ZCCHC24: variants seen among roughly 807,000 people sequenced by gnomAD.
ZCCHC24 encodes the protein zinc finger CCHC-type containing 24.
Under a neutral mutation model 26.2 loss-of-function variants are expected in ZCCHC24, and 10 were observed. That is an observed-to-expected ratio of 0.38 (90% CI 0.24 to 0.65). The LOEUF is 0.65. ZCCHC24 is among the 30% of genes least tolerant of loss of function. ZCCHC24 has a pLI of 0.54. For synonymous variants in ZCCHC24, 144 were observed against 147.1 expected (o/e 0.98, Z 0.15); for missense variants, 243 against 329.1 (o/e 0.74, Z 2.03).
chr10:79,402,217 G>T (rs1269686505), intron 2 of ZCCHC24, among the ~76,000 whole-genome samples: 3 of 152,164 alleles, frequency 2.0e-5, no homozygotes, highest in Non-Finnish European at 4.4e-5. Flanking sequence ...GAGGTCAGAG[G>T]TCCAGGTTGG....
chr10:79,445,126 G>A, intron 1 of ZCCHC24, 69 bp downstream of exon 1: 1 of 1,006,248 alleles, frequency 9.9e-7, no homozygotes, highest in African/African-American at 2.0e-5. Flanking sequence ...GGGTCAGACA[G>A]GGAACGGCCC....
At position 79,385,930 on chromosome 10, in the gene ZCCHC24, G is replaced by A; in HGVS notation, c.*415C>T. The A allele has an allele frequency of 2.4e-6, 1 of 411,146 alleles. No homozygotes were observed. 25.5% of individuals were successfully genotyped at this position (411,146 alleles called of 1,614,324 possible). On this transcript the variant is annotated 3_prime_UTR_variant, in exon 4 of 4. Coordinates refer to ENST00000372336, the MANE Select transcript of ZCCHC24 (RefSeq NM_153367.4). This position sits in a 1 kb window ranked among gnomAD's most constrained non-coding sequence, Gnocchi z 4.3. The stretch of plus-strand genomic sequence containing the variant: ...AGGGCAAACCGGAAGGTTCTGGGTG[G>A]GGGCAGGCGGCCTGGCTGGTCTGGG...
At chr10:79,390,814 G>A (rs532145584) in intron 3 of ZCCHC24, among the ~76,000 whole-genome samples, 174 of 152,298 alleles carry the variant, frequency 1.1e-3, no homozygotes, top group African/African-American at 3.9e-3. Context: ...CAGATGTGGC[G>A]GCCAGGAGAG....
At chr10:79,435,831 G>A (rs955151633) in intron 1 of ZCCHC24, among the ~76,000 whole-genome samples, 2 of 152,358 alleles carry the variant, frequency 1.3e-5, no homozygotes, top group South Asian at 2.1e-4. Flanking sequence ...TTGAGCTCAG[G>A]CCAGGGAGGT....
At chr10:79,407,373 C>T (rs1004429728) in intron 2 of ZCCHC24, among the ~76,000 whole-genome samples, 4 of 152,256 alleles carry the variant, frequency 2.6e-5, no homozygotes, top group Middle Eastern at 3.2e-3. Flanking sequence ...TGAAGCCATA[C>T]GGCTGTGCTC....
intron 2 of ZCCHC24, among the ~76,000 whole-genome samples, chr10:79,421,691 A>G (rs1856939561): frequency 6.6e-6 from 1 of 152,030 alleles, no homozygotes; most frequent in Admixed American, 6.5e-5. Context: ...CAGTGGTGCG[A>G]TCTCGGCTCA....
intron 2 of ZCCHC24, among the ~76,000 whole-genome samples, chr10:79,395,624 G>A (rs1856535995): frequency 6.6e-6 from 1 of 152,182 alleles, no homozygotes; most frequent in Non-Finnish European, 1.5e-5. Flanking sequence ...TCTCAGAGGA[G>A]CTTTGACTTG....
At chr10:79,406,826 C>A (rs2132190503) in intron 2 of ZCCHC24, among the ~76,000 whole-genome samples, 1 of 152,338 alleles carries the variant, frequency 6.6e-6, no homozygotes, top group South Asian at 2.1e-4. Flanking sequence ...GAGCTCTGAC[C>A]TCCTTGCCCT....
In ZCCHC24 at chr10:79,387,387, G is replaced by C. The variant is rs151093128; in HGVS notation, c.613-929C>G. Among the ~76,000 whole-genome samples the C allele has an allele frequency of 5.1e-3, 773 of 152,342 alleles. 1 individual carries two copies. Among genetic ancestry groups the C allele is most frequent in the Non-Finnish European group, 8.4e-3 (569 of 68,040 alleles). ...CAGACGAGCACATTTCTATTAGAGA[G>C]GGAGCTTCCCTGCTCGCTCTTTTCC... On this transcript the variant is annotated intron_variant, in intron 3 of 3. Coordinates refer to ENST00000372336, the MANE Select transcript of ZCCHC24 (RefSeq NM_153367.4).
rs1258609312 is a variant in ZCCHC24 at position 79,394,386 on chromosome 10, C to T, written c.502G>A (p.Gly168Ser). The T allele has an allele frequency of 1.2e-6, 2 of 1,614,116 alleles. No individual in the cohort carries two copies. Among genetic ancestry groups the T allele is most frequent in the Non-Finnish European group, 8.5e-7 (1 of 1,180,060 alleles). ...TTGCACTTGGGACACTTGTACTCGC[C>T]GAAGCAGCGCTTTTTGCCCTGGTAT... ...TPYQGKKRCFGEYKCPKCKRK... is the reference protein window; with the variant it reads ...TPYQGKKRCFSEYKCPKCKRK... The change falls in exon 3 of 4, where the codon GGC becomes AGC. Residue 168 changes from glycine to serine, a missense_variant. Transcript: ENST00000372336.
chr10:79,404,241 CA>C (rs1339880595), intron 2 of ZCCHC24, among the ~76,000 whole-genome samples: 1 of 152,228 alleles, frequency 6.6e-6, no homozygotes, highest in Non-Finnish European at 1.5e-5. Flanking sequence ...CAGAAGGCAG[CA>C]AGAAGCCCCC....
At chr10:79,431,863 T>C (rs1417157045) in intron 2 of ZCCHC24, among the ~76,000 whole-genome samples, 2 of 152,226 alleles carry the variant, frequency 1.3e-5, no homozygotes, top group African/African-American at 4.8e-5. Flanking sequence ...CTACCCTCTT[T>C]TCCCAGGATC....
At chr10:79,422,360 G>A (rs1269358636) in intron 2 of ZCCHC24, among the ~76,000 whole-genome samples, 1 of 152,192 alleles carries the variant, frequency 6.6e-6, no homozygotes, top group African/African-American at 2.4e-5. Flanking sequence ...ATGGGCTGGG[G>A]GCCTCGGCCC....
At chr10:79,422,540 A>G (rs1362910322) in intron 2 of ZCCHC24, among the ~76,000 whole-genome samples, 1 of 152,208 alleles carries the variant, frequency 6.6e-6, no homozygotes, top group East Asian at 1.9e-4. Context: ...CAAGACCCTG[A>G]GACTATTTAC....
chr10:79,390,003 A>T (rs890669550), intron 3 of ZCCHC24, among the ~76,000 whole-genome samples: 5 of 152,176 alleles, frequency 3.3e-5, no homozygotes, highest in African/African-American at 1.2e-4. Context: ...AGCTGGGACC[A>T]CAGGCATGCA....
rs76813642 is a variant in ZCCHC24 at position 79,410,441 on chromosome 10, G to A, written c.448-16001C>T. 4.1e-3 allele frequency among the ~76,000 whole-genome samples: 627 copies of A among 152,318 alleles called. 12 individuals are homozygous for A. The highest frequency in any genetic ancestry group is 0.014 in the East Asian group (70 of 5,176). ...CTTGAACACTGATCTGGCCTTCTGG[G>A]ATGTGCTCAGGATGAGCAGAGCCCC... On this transcript the variant is annotated intron_variant, in intron 2 of 3. Coordinates refer to ENST00000372336, the MANE Select transcript of ZCCHC24 (RefSeq NM_153367.4).
intron 2 of ZCCHC24, among the ~76,000 whole-genome samples, chr10:79,396,521 C>T (rs1000258998): frequency 2.0e-5 from 3 of 152,226 alleles, no homozygotes; most frequent in Non-Finnish European, 2.9e-5. Context: ...ACGTTCTCTA[C>T]TAGGCCCTCG....
chr10:79,400,406 T>C (rs530821296), intron 2 of ZCCHC24, among the ~76,000 whole-genome samples: 4 of 152,326 alleles, frequency 2.6e-5, no homozygotes, highest in South Asian at 2.1e-4. Flanking sequence ...AAAATAGTTA[T>C]GGTGATTTTT....
At position 79,442,764 on chromosome 10, in the gene ZCCHC24, C is replaced by T. The variant is rs147618561; in HGVS notation, c.246+2431G>A. On this transcript the variant is annotated intron_variant, in intron 1 of 3. Coordinates refer to ENST00000372336, the MANE Select transcript of ZCCHC24 (RefSeq NM_153367.4). ...GGTGGGGGGTATTTTTTCTTGCCTT[C>T]TCAGCCAGTTGCTATTTTGGAGCCA... Among the ~76,000 whole-genome samples, 53 of 152,284 alleles carry T rather than the reference C, an allele frequency of 3.5e-4. No individual in the cohort carries two copies. In the East Asian group the frequency reaches 7.5e-3, roughly 22 times the overall value.
Sources: allele counts gnomAD v4.1 joint callset (sites outside exome capture counted in the v4.1 genomes callset), GRCh38; gene constraint gnomAD v4.1.1; non-coding constraint Gnocchi (gnomAD v3.1); transcripts MANE v1.5; gene names NCBI Gene and HGNC (gene_info 2026-07-23, HGNC 2026-07-21).